The following RAB1A variants were observed in gnomAD, a reference collection of about 807,000 sequenced individuals.
The protein encoded by RAB1A is RAB1A, member RAS oncogene family, also known as ras-related protein Rab-1A.
In RAB1A, 2 loss-of-function variants were observed where a neutral mutation model predicts 26.0. The observed-to-expected ratio is 0.08, with a 90% CI of 0.03 to 0.24. RAB1A has a LOEUF of 0.24. Ranked by LOEUF, RAB1A falls within the 10% of genes least tolerant of loss-of-function variation. The pLI is 1.00. For missense variants in RAB1A, 100 were observed against 247.0 expected (o/e 0.40, Z 3.99); for synonymous variants, 84 against 84.9 (o/e 0.99, Z 0.06).
At chr2:65,124,442 C>A (rs1480618363) in intron 1 of RAB1A, among the ~76,000 whole-genome samples, 1 of 151,576 alleles carries the variant, frequency 6.6e-6, no homozygotes, top group East Asian at 2.0e-4. Context: ...CAGTTGTTAT[C>A]TTCATTTTAT....
chr2:65,121,876 C>A (rs1018255315), intron 1 of RAB1A, among the ~76,000 whole-genome samples: 2 of 152,112 alleles, frequency 1.3e-5, no homozygotes, highest in African/African-American at 4.8e-5. Context: ...AGCTGATAAG[C>A]AGCCAAACGT....
rs181364687 is a variant in RAB1A at position 65,101,127 on chromosome 2, C to T, written c.97-3061G>A. Among the ~76,000 whole-genome samples the T allele has an allele frequency of 2.6e-3, 370 of 143,412 alleles. 4 individuals are homozygous for T. Among genetic ancestry groups the T allele is most frequent in the African/African-American group, 9.3e-3 (352 of 38,012 alleles). The allele number at this position is 143,412 out of a possible 152,430, so 94.1% of individuals were successfully genotyped here. ...TGCCACTGTACTCCAGCCTGGATGA[C>T]AGAGCTAGACTCCATCTCAAAAAAA... On this transcript the variant is annotated intron_variant, in intron 2 of 5. Coordinates refer to ENST00000409784, the MANE Select transcript of RAB1A (RefSeq NM_004161.5).
At chr2:65,101,019 G>A (rs1309283450) in intron 2 of RAB1A, among the ~76,000 whole-genome samples, 7 of 151,712 alleles carry the variant, frequency 4.6e-5, no homozygotes, top group Non-Finnish European at 7.4e-5. Flanking sequence ...AGTAGTACAC[G>A]CCTGTAATAC....
At chr2:65,110,642 T>G (rs1354756200) in intron 1 of RAB1A, among the ~76,000 whole-genome samples, 1 of 152,030 alleles carries the variant, frequency 6.6e-6, no homozygotes, top group African/African-American at 2.4e-5. Flanking sequence ...ACATTAATAA[T>G]TGCTGCAATG....
intron 4 of RAB1A, among the ~76,000 whole-genome samples, chr2:65,089,676 CA>C (rs1669122361): frequency 6.7e-6 from 1 of 150,324 alleles, no homozygotes; most frequent in African/African-American, 2.5e-5. Context: ...AAATGTACTA[CA>C]AAACCTGGTT....
chr2:65,122,480 C>G (rs1259768293), intron 1 of RAB1A, among the ~76,000 whole-genome samples: 1 of 151,732 alleles, frequency 6.6e-6, no homozygotes, highest in Non-Finnish European at 1.5e-5. Context: ...ATCACTGAAA[C>G]CCGGCTAGGA....
intron 2 of RAB1A, among the ~76,000 whole-genome samples, chr2:65,101,027 T>C (rs1043340720): frequency 6.6e-6 from 1 of 151,488 alleles, no homozygotes; most frequent in Non-Finnish European, 1.5e-5. Flanking sequence ...ACGCCTGTAA[T>C]ACCAGCTACT....
chr2:65,121,974 C>G (rs564439930), intron 1 of RAB1A, among the ~76,000 whole-genome samples: 51 of 152,014 alleles, frequency 3.4e-4, no homozygotes, highest in African/African-American at 1.1e-3. Context: ...GCCTGGCCAA[C>G]ATGGTGAAAC....
chr2:65,127,220 A>C (rs1335659978), intron 1 of RAB1A, among the ~76,000 whole-genome samples: 1 of 152,158 alleles, frequency 6.6e-6, no homozygotes, highest in East Asian at 1.9e-4. Context: ...CTTGTCATTT[A>C]TGAGCCATTC....
At position 65,129,890 on chromosome 2, in the gene RAB1A, C is replaced by T. The variant is rs764192719; in HGVS notation, c.23+3G>A. The T allele has an allele frequency of 2.1e-5, 34 of 1,596,318 alleles. No individual in the cohort carries two copies. The highest frequency in any genetic ancestry group is 6.8e-5 in the South Asian group (6 of 88,050). On this transcript the variant is annotated splice_donor_region_variant and intron_variant, in intron 1 of 5. Transcript: ENST00000409784. Reference sequence around the variant, plus strand: ...CAGCCGACCGGTGCTCTCCTGAACTCACTATTCGGGATTCATGCTGGACAT... The same window carrying T: ...CAGCCGACCGGTGCTCTCCTGAACTTACTATTCGGGATTCATGCTGGACAT...
chr2:65,122,466 G>A (rs957708448), intron 1 of RAB1A, among the ~76,000 whole-genome samples: 1 of 152,064 alleles, frequency 6.6e-6, no homozygotes, highest in Non-Finnish European at 1.5e-5. Context: ...GCTGAGGTGG[G>A]AGGATCACTG....
chr2:65,094,708 G>A (rs1669245581), intron 3 of RAB1A, among the ~76,000 whole-genome samples: 1 of 152,148 alleles, frequency 6.6e-6, no homozygotes, highest in Non-Finnish European at 1.5e-5. Flanking sequence ...AAAGGGCCAT[G>A]AGCCCTTGAA....
chr2:65,091,667 A>G (rs1312736772), intron 3 of RAB1A, among the ~76,000 whole-genome samples: 1 of 152,132 alleles, frequency 6.6e-6, no homozygotes, highest in Non-Finnish European at 1.5e-5. Flanking sequence ...CTGGGACTAC[A>G]GGCACATGCC....
chr2:65,094,611 AAAC>A (rs1669244051), intron 3 of RAB1A, among the ~76,000 whole-genome samples: 1 of 151,952 alleles, frequency 6.6e-6, no homozygotes, highest in African/African-American at 2.4e-5. Flanking sequence ...AAAAAAGAAA[AAAC>A]AAGCAAATCA....
intron 1 of RAB1A, among the ~76,000 whole-genome samples, chr2:65,129,692 T>C (rs1670192359): frequency 6.7e-6 from 1 of 149,374 alleles, no homozygotes. Context: ...GGCTCACCCC[T>C]CCGGCCCGAC....
At chr2:65,118,904 A>C (rs1241062822) in intron 1 of RAB1A, among the ~76,000 whole-genome samples, 1 of 152,172 alleles carries the variant, frequency 6.6e-6, no homozygotes, top group Admixed American at 6.6e-5. Context: ...TTAATGTAGA[A>C]AAGGCCAGGT....
At chr2:65,127,741 AT>A (rs962431496) in intron 1 of RAB1A, among the ~76,000 whole-genome samples, 47 of 150,284 alleles carry the variant, frequency 3.1e-4, no homozygotes, top group African/African-American at 9.0e-4. Context: ...ACAATAAATA[AT>A]TTTTTTTTTG....
chr2:65,089,433 C>T (rs540727009), intron 4 of RAB1A, among the ~76,000 whole-genome samples: 6 of 151,882 alleles, frequency 4.0e-5, no homozygotes, highest in African/African-American at 1.4e-4. Flanking sequence ...CCAGGCTGGT[C>T]TCGAACTCCT....
At chr2:65,118,767 C>G (rs1669882064) in intron 1 of RAB1A, among the ~76,000 whole-genome samples, 1 of 152,194 alleles carries the variant, frequency 6.6e-6, no homozygotes, top group Non-Finnish European at 1.5e-5. Context: ...CGTCAGCCCC[C>G]GCACCCGGCC....
Sources: allele counts gnomAD v4.1 joint callset (sites outside exome capture counted in the v4.1 genomes callset), GRCh38; gene constraint gnomAD v4.1.1; transcripts MANE v1.5; gene names NCBI Gene and HGNC (gene_info 2026-07-23, HGNC 2026-07-21).